The following ERP44 variants were observed in gnomAD, a reference collection of about 807,000 sequenced individuals.
ERP44 encodes the protein endoplasmic reticulum resident protein 44.
ERP44 carries 25 observed loss-of-function variants against 53.4 expected under a neutral mutation model. The observed-to-expected ratio is 0.47, with a 90% CI of 0.34 to 0.65. The LOEUF is 0.65. Among genes scored for constraint, ERP44 ranks in the 30% least tolerant of loss-of-function variants. The pLI is 0.01. For missense variants in ERP44, 338 were observed against 493.2 expected, an observed-to-expected ratio of 0.69 and a Z score of 2.98; for synonymous variants, 145 against 161.2, an observed-to-expected ratio of 0.90 and a Z score of 0.76.
rs1347128777 is a variant in ERP44 at position 100,013,404 on chromosome 9, T to C, written c.762+2918A>G. 2.0e-5 allele frequency among the ~76,000 whole-genome samples: 3 copies of C among 151,734 alleles called. No individual in the cohort carries two copies. In the East Asian group the frequency reaches 5.8e-4, roughly 29 times the overall value. ...TAATAATAATAATAATAAAACACTTTTTGAAAGCATCTAAGAGTGAAAAAA... is the reference window on the plus strand; with the variant it reads ...TAATAATAATAATAATAAAACACTTCTTGAAAGCATCTAAGAGTGAAAAAA... On this transcript the variant is annotated intron_variant, in intron 8 of 11. Transcript: ENST00000262455.
intron 10 of ERP44, among the ~76,000 whole-genome samples, chr9:99,991,372 C>A (rs1481481748): frequency 1.3e-5 from 2 of 152,176 alleles, no homozygotes; most frequent in Non-Finnish European, 2.9e-5. Context: ...TCACTCAAAA[C>A]CACACAACTA....
intron 10 of ERP44, chr9:99,998,898 C>T: frequency 2.5e-6 from 4 of 1,593,490 alleles, no homozygotes; most frequent in South Asian, 1.1e-5. Context: ...TCCATCTCCC[C>T]CAGCAGTCTC....
intron 10 of ERP44, chr9:99,998,904 G>A (rs1830344766): frequency 6.9e-6 from 11 of 1,594,426 alleles, no homozygotes; most frequent in Non-Finnish European, 9.5e-6. Context: ...TCCCCCAGCA[G>A]TCTCAGGGTT....
intron 4 of ERP44, among the ~76,000 whole-genome samples, chr9:100,049,704 C>CA (rs1184705245): frequency 6.6e-6 from 1 of 152,128 alleles, no homozygotes; most frequent in Non-Finnish European, 1.5e-5. Context: ...AATAGTTTGG[C>CA]AGTTTCTTAA....
intron 7 of ERP44, among the ~76,000 whole-genome samples, chr9:100,016,724 C>T (rs910795182): frequency 6.6e-6 from 1 of 152,116 alleles, no homozygotes; most frequent in African/African-American, 2.4e-5. Context: ...CTAAAAAGTA[C>T]ATTCTTATAT....
intron 11 of ERP44, among the ~76,000 whole-genome samples, chr9:99,984,215 T>C (rs953085224): frequency 1.1e-4 from 16 of 152,184 alleles, no homozygotes; most frequent in African/African-American, 3.6e-4. Context: ...AGAGGTTTTA[T>C]AGGCAAAATA....
At chr9:100,004,368 G>A (rs1267397701) in intron 10 of ERP44, among the ~76,000 whole-genome samples, 1 of 152,216 alleles carries the variant, frequency 6.6e-6, no homozygotes, top group Non-Finnish European at 1.5e-5. Context: ...AAGCCACTGG[G>A]TTTGGCCTGG....
chr9:100,060,197 TAATA>T, intron 1 of ERP44, 25 bp from the exon 2 acceptor site: 1 of 1,464,090 alleles, frequency 6.8e-7, no homozygotes, highest in Non-Finnish European at 9.0e-7. Flanking sequence ...AATGAGAAAT[TAATA>T]AATGTGTCCA....
Position 99,980,581 on chromosome 9 carries a change from C to G in ERP44, c.*2031G>C, listed in dbSNP as rs538528983. On this transcript the variant is annotated 3_prime_UTR_variant, in exon 12 of 12. Coordinates refer to ENST00000262455, the MANE Select transcript of ERP44 (RefSeq NM_015051.3). Reference sequence around the variant, plus strand: ...CACCAAGTCCTAATGAGTGCTGAGCCCCTCAGGGTAAAAAAGTAACCAAGG... The same window carrying G: ...CACCAAGTCCTAATGAGTGCTGAGCGCCTCAGGGTAAAAAAGTAACCAAGG... The G allele has an allele frequency of 6.6e-6, 1 of 152,214 alleles. No individual in the cohort carries two copies. Among genetic ancestry groups the G allele is most frequent in the Non-Finnish European group, 1.5e-5 (1 of 68,076 alleles). The allele number at this position is 152,214 out of a possible 1,614,324, so 9.4% of individuals were successfully genotyped here. A position where few individuals can be genotyped will look rare whatever the true frequency, so the allele number is the denominator to read the frequency against.
chr9:100,005,869 G>C (rs892355985), intron 10 of ERP44, among the ~76,000 whole-genome samples: 1 of 152,084 alleles, frequency 6.6e-6, no homozygotes, highest in African/African-American at 2.4e-5. Context: ...TAAACTTTTC[G>C]TATAAGAAAC....
At chr9:100,022,736 T>C (rs1400122369) in intron 4 of ERP44, among the ~76,000 whole-genome samples, 1 of 152,170 alleles carries the variant, frequency 6.6e-6, no homozygotes, top group South Asian at 2.1e-4. Context: ...CAAAAGTACT[T>C]ACAATATTTT....
At chr9:100,079,413 TACACACACAC>T (rs58110423) in intron 1 of ERP44, among the ~76,000 whole-genome samples, 24,896 of 137,268 alleles carry the variant, frequency 0.18, 3,470 homozygotes, top group African/African-American at 0.41. Flanking sequence ...AACTCCCCTT[TACACACACAC>T]ACACACACAC....
rs996439499 is a variant in ERP44 at position 100,041,053 on chromosome 9, T to C, written c.286+11364A>G. Among the ~76,000 whole-genome samples the C allele has an allele frequency of 2.6e-5, 4 of 152,134 alleles. No homozygotes were observed. The East Asian group carries it at 5.8e-4, about 22-fold the overall frequency. On this transcript the variant is annotated intron_variant, in intron 4 of 11. Transcript: ENST00000262455. ...TGTTTATGGATTGGAAGAATCAATA[T>C]TGTGAAAATGTTATTACTACCAAAA...
At chr9:99,994,103 C>A (rs372516625) in intron 10 of ERP44, among the ~76,000 whole-genome samples, 1 of 152,110 alleles carries the variant, frequency 6.6e-6, no homozygotes, top group African/African-American at 2.4e-5. Flanking sequence ...GCAATTCCTC[C>A]AGGATCTAGA....
chr9:100,068,781 T>A (rs1826265950), intron 1 of ERP44, among the ~76,000 whole-genome samples: 1 of 151,282 alleles, frequency 6.6e-6, no homozygotes, highest in Admixed American at 6.6e-5. Context: ...CCGCCCCGTC[T>A]GGGAGGTGTA....
At chr9:100,030,741 G>A (rs1825777773) in intron 4 of ERP44, among the ~76,000 whole-genome samples, 1 of 152,116 alleles carries the variant, frequency 6.6e-6, no homozygotes. Context: ...CCCCAAAAGG[G>A]GAAACTTGAA....
At chr9:100,037,923 G>C (rs921082084) in intron 4 of ERP44, among the ~76,000 whole-genome samples, 1 of 151,978 alleles carries the variant, frequency 6.6e-6, no homozygotes, top group Non-Finnish European at 1.5e-5. Context: ...GCCAGAAGAG[G>C]GTAGCATGAT....
intron 1 of ERP44, among the ~76,000 whole-genome samples, chr9:100,063,960 C>G (rs1241298285): frequency 1.3e-5 from 2 of 152,136 alleles, no homozygotes; most frequent in African/African-American, 2.4e-5. Context: ...ATACCATACC[C>G]AAATTCATTT....
At chr9:99,990,443 C>A (rs372087790) in intron 10 of ERP44, among the ~76,000 whole-genome samples, 155 of 152,234 alleles carry the variant, frequency 1.0e-3, no homozygotes, top group African/African-American at 3.0e-3. Context: ...GAAATAAAAT[C>A]CTTTACAGAC....
Sources: gnomAD v4.1 joint callset for allele counts (sites outside exome capture counted in the v4.1 genomes callset) on GRCh38, gnomAD v4.1.1 for gene constraint, MANE v1.5 for transcripts, NCBI Gene and HGNC (gene_info 2026-07-23, HGNC 2026-07-21) for gene names.